SCRG1: variants seen among roughly 807,000 people sequenced by gnomAD.
SCRG1 encodes the protein stimulator of chondrogenesis 1.
A neutral mutation model predicts 7.7 loss-of-function variants in SCRG1; 3 were observed. The ratio of observed to expected loss-of-function variants is 0.39; its 90% CI spans 0.18 to 1.01. The LOEUF is 1.01. Ranked by LOEUF, SCRG1 falls within the 50% of genes least tolerant of loss-of-function variation. The pLI, the probability that SCRG1 is intolerant of heterozygous loss-of-function variation, is 0.36. For missense variants in SCRG1, 110 were observed against 117.2 expected, an observed-to-expected ratio of 0.94 and a Z score of 0.28; for synonymous variants, 46 against 41.2, an observed-to-expected ratio of 1.12 and a Z score of -0.44.
the SCRG1 span, among the ~76,000 whole-genome samples, chr4:173,519,104 G>T: frequency 5.9e-4 from 89 of 151,156 alleles, no homozygotes; most frequent in South Asian, 0.019. Flanking sequence ...GGTCGAAGAT[G>T]CTCAGAGGAG....
At chr4:173,495,525 G>A in the SCRG1 span, among the ~76,000 whole-genome samples, 2 of 152,194 alleles carry the variant, frequency 1.3e-5, no homozygotes, top group Admixed American at 6.5e-5. Context: ...TACATGCATG[G>A]GAAATATGGG....
the SCRG1 span, among the ~76,000 whole-genome samples, chr4:173,501,626 G>A: frequency 6.6e-6 from 1 of 152,224 alleles, no homozygotes; most frequent in Admixed American, 6.5e-5. The surrounding 1 kb of genome is among the most constrained non-coding windows in gnomAD (Gnocchi z 5.1). Flanking sequence ...CCTGACCCTA[G>A]AGGGTCAGGA....
chr4:173,452,526 C>G, the SCRG1 span, among the ~76,000 whole-genome samples: 1 of 152,148 alleles, frequency 6.6e-6, no homozygotes, highest in Non-Finnish European at 1.5e-5. Context: ...AATCAGCATT[C>G]TTTTTACAAA....
the SCRG1 span, among the ~76,000 whole-genome samples, chr4:173,444,767 G>T: frequency 6.6e-6 from 1 of 152,164 alleles, no homozygotes. Flanking sequence ...TCTGGATCTT[G>T]TTGTGGTGGG....
At chr4:173,400,027 G>C (rs1739719237), upstream of SCRG1, among the ~76,000 whole-genome samples, 1 of 152,128 alleles carries the variant, frequency 6.6e-6, no homozygotes, top group Admixed American at 6.5e-5. Context: ...GCAAATTGAT[G>C]AATTACCTCA....
intron 1 of SCRG1, among the ~76,000 whole-genome samples, chr4:173,405,110 C>T (rs1739867187): frequency 6.6e-6 from 1 of 152,174 alleles, no homozygotes; most frequent in African/African-American, 2.4e-5. Context: ...CTGCCCAGAA[C>T]ACCACATTAC....
At chr4:173,391,535 G>A in intron 1 of SCRG1, 107 bp from the exon 2 acceptor site, 1 of 1,122,598 alleles carries the variant, frequency 8.9e-7, no homozygotes, top group Non-Finnish European at 1.3e-6. Flanking sequence ...TAGAAAGAAT[G>A]GGAGTTGGGC....
the SCRG1 span, among the ~76,000 whole-genome samples, chr4:173,417,937 C>T: frequency 1.3e-5 from 2 of 152,042 alleles, no homozygotes; most frequent in Non-Finnish European, 2.9e-5. Context: ...TGTGGATTGC[C>T]ACATGAATAA....
At chr4:173,407,207 C>CAA (rs113112174), upstream of SCRG1, among the ~76,000 whole-genome samples, 25 of 83,096 alleles carry the variant, frequency 3.0e-4, no homozygotes, top group South Asian at 2.8e-3. Flanking sequence ...AGATCCATCT[C>CAA]AAAAAAAAAA....
chr4:173,462,402 G>A, the SCRG1 span, among the ~76,000 whole-genome samples: 1 of 152,140 alleles, frequency 6.6e-6, no homozygotes, highest in Non-Finnish European at 1.5e-5. Flanking sequence ...GAGCAGCATG[G>A]CATATTTAAA....
At chr4:173,512,317 GA>G in the SCRG1 span, among the ~76,000 whole-genome samples, 1 of 152,098 alleles carries the variant, frequency 6.6e-6, no homozygotes, top group Non-Finnish European at 1.5e-5. Context: ...AGGGACAGGG[GA>G]AAAAAATCTG....
chr4:173,418,876 C>T, the SCRG1 span, among the ~76,000 whole-genome samples: 1 of 152,270 alleles, frequency 6.6e-6, no homozygotes, highest in African/African-American at 2.4e-5. Context: ...TTCCCCTTCA[C>T]CTTCTGCCAT....
chr4:173,472,821 G>A, the SCRG1 span, among the ~76,000 whole-genome samples: 1 of 152,114 alleles, frequency 6.6e-6, no homozygotes, highest in Admixed American at 6.5e-5. Context: ...GGTAATGTTT[G>A]ACCAAATGAC....
chr4:173,459,834 C>G, the SCRG1 span, among the ~76,000 whole-genome samples: 57,710 of 151,880 alleles, frequency 0.38, 11,116 homozygotes, highest in Middle Eastern at 0.53. Flanking sequence ...TGGTGTTTGA[C>G]AGCACAACAG....
chr4:173,429,489 G>T, the SCRG1 span, among the ~76,000 whole-genome samples: 1 of 152,064 alleles, frequency 6.6e-6, no homozygotes, highest in African/African-American at 2.4e-5. Flanking sequence ...TAGAGACAGG[G>T]TCTTGCTATG....
the SCRG1 span, among the ~76,000 whole-genome samples, chr4:173,445,599 G>A: frequency 1.4e-5 from 2 of 141,972 alleles, no homozygotes; most frequent in South Asian, 4.6e-4. Context: ...AAAAAGAAAA[G>A]AAAATACTCA....
the SCRG1 span, among the ~76,000 whole-genome samples, chr4:173,497,210 A>G: frequency 1.3e-5 from 2 of 152,204 alleles, no homozygotes; most frequent in Non-Finnish European, 2.9e-5. Context: ...GCAGAAAGCT[A>G]CACATTGACC....
chr4:173,396,712 TTGTGTGTG>T (rs71594043), intron 1 of SCRG1, among the ~76,000 whole-genome samples: 3 of 107,018 alleles, frequency 2.8e-5, no homozygotes, highest in African/African-American at 7.9e-5. Flanking sequence ...ACTGGTAGTT[TTGTGTGTG>T]TGTGTGTGTG....
the SCRG1 span, among the ~76,000 whole-genome samples, chr4:173,466,137 A>G: frequency 1.3e-5 from 2 of 152,156 alleles, no homozygotes; most frequent in Non-Finnish European, 2.9e-5. Context: ...ATCCTGTGCA[A>G]CTTCAGAGAG....
Sources: allele counts gnomAD v4.1 joint callset (sites outside exome capture counted in the v4.1 genomes callset), GRCh38; gene constraint gnomAD v4.1.1; non-coding constraint Gnocchi (gnomAD v3.1); transcripts MANE v1.5; gene names NCBI Gene and HGNC (gene_info 2026-07-23, HGNC 2026-07-21).